SLC9A3: variants seen among roughly 807,000 people sequenced by gnomAD.
The protein encoded by SLC9A3 is sodium/hydrogen exchanger 3.
A neutral mutation model predicts 86.8 loss-of-function variants in SLC9A3; 37 were observed. That is an observed-to-expected ratio of 0.43 (90% CI 0.33 to 0.56). SLC9A3 has a LOEUF of 0.56. Ranked by LOEUF, SLC9A3 falls within the 20% of genes least tolerant of loss-of-function variation. The probability of loss-of-function intolerance (pLI) is 0.06; values close to 1 mark genes in which losing one functional copy is unlikely to be tolerated. For synonymous variants in SLC9A3, 581 were observed against 528.3 expected (o/e 1.10, Z -1.37); for missense variants, 1,011 against 1,171.9 (o/e 0.86, Z 2.00).
chr5:472,031 A>AG lies in SLC9A3; in HGVS notation c.*1347dup, dbSNP rs1373437227. The AG allele has an allele frequency of 4.4e-6, 2 of 456,178 alleles. No individual in the cohort carries two copies. Among genetic ancestry groups the AG allele is most frequent in the African/African-American group, 4.0e-5 (2 of 50,078 alleles). The allele number at this position is 456,178 out of a possible 1,614,324, so 28.3% of individuals were successfully genotyped here. A position where few individuals can be genotyped will look rare whatever the true frequency, so the allele number is the denominator to read the frequency against. ...CGAGTCTAGCTTTAGAAAAGCCCCT[A>AG]GGAGTGTCCACCTCCACCACTTCCA... is the stretch of plus-strand genomic sequence containing the variant. On this transcript the variant is annotated 3_prime_UTR_variant, in exon 17 of 17. Transcript: ENST00000264938.
At chr5:518,296 C>A (rs1226494145) in intron 1 of SLC9A3, among the ~76,000 whole-genome samples, 1 of 152,096 alleles carries the variant, frequency 6.6e-6, no homozygotes, top group Non-Finnish European at 1.5e-5. Context: ...AGTCTGGCAT[C>A]CCAGGACCTG....
At chr5:475,300 A>G (rs1354141058) in intron 15 of SLC9A3, 168 bp from the exon 16 acceptor site, 2 of 681,642 alleles carry the variant, frequency 2.9e-6, no homozygotes, top group African/African-American at 3.6e-5. Context: ...CCATGACCCC[A>G]CACGCCACAG....
intron 10 of SLC9A3, 37 bp downstream of exon 10, chr5:479,799 T>C (rs1196617261): frequency 3.1e-6 from 5 of 1,609,346 alleles, no homozygotes; most frequent in Non-Finnish European, 4.2e-6. Context: ...CAGAGCCTGC[T>C]GCAGCCCCGA....
rs1240852908 is a variant in SLC9A3, at chr5:497,862, G to A, written c.212-5791C>T. On this transcript the variant is annotated intron_variant, in intron 1 of 16. Transcript: ENST00000264938. This position sits in a 1 kb window ranked among gnomAD's most constrained non-coding sequence, Gnocchi z 5.4. Reference sequence around the variant, plus strand: ...GCCCCTGTCCCGGGTGGGGTCGCCCGGCCGCATCCCCAGCCTCTGCCCCTG... The same window carrying A: ...GCCCCTGTCCCGGGTGGGGTCGCCCAGCCGCATCCCCAGCCTCTGCCCCTG... Among the ~76,000 whole-genome samples, 2 of 124,634 alleles carry A rather than the reference G, an allele frequency of 1.6e-5. No individual in the cohort carries two copies. Among genetic ancestry groups the A allele is most frequent in the East Asian group, 2.5e-4 (1 of 4,018 alleles). The allele number at this position is 124,634 out of a possible 152,430, so 81.8% of individuals were successfully genotyped here.
At chr5:495,032 G>A (rs948356241) in intron 1 of SLC9A3, among the ~76,000 whole-genome samples, 24 of 152,078 alleles carry the variant, frequency 1.6e-4, no homozygotes, top group African/African-American at 4.6e-4. Context: ...CTCGGTGCCC[G>A]CCGGCACGTG....
At chr5:517,137 G>T (rs946134991) in intron 1 of SLC9A3, among the ~76,000 whole-genome samples, 1 of 142,498 alleles carries the variant, frequency 7.0e-6, no homozygotes, top group African/African-American at 2.6e-5. Context: ...CCATCCTTCC[G>T]CCCATCCCTC....
chr5:485,528 T>C (rs554091929), intron 3 of SLC9A3, among the ~76,000 whole-genome samples: 51 of 152,396 alleles, frequency 3.3e-4, no homozygotes, highest in Admixed American at 1.2e-3. Flanking sequence ...ACTTGAATTC[T>C]GAGTCTCATC....
rs1160038711 is a variant in SLC9A3 at position 486,128 on chromosome 5, G to A, written c.676-897C>T. On this transcript the variant is annotated intron_variant, in intron 3 of 16. Transcript: ENST00000264938. Reference sequence around the variant, plus strand: ...CCCTAAGGGAACATGAGAGGCTGACGGGTTTCAAACCTTTCAAACCACAGG... The same window carrying A: ...CCCTAAGGGAACATGAGAGGCTGACAGGTTTCAAACCTTTCAAACCACAGG... Among the ~76,000 whole-genome samples the A allele has an allele frequency of 3.9e-5, 6 of 152,266 alleles. No individual in the cohort carries two copies. The East Asian group carries it at 5.8e-4, about 15-fold the overall frequency.
intron 2 of SLC9A3, among the ~76,000 whole-genome samples, chr5:489,600 C>A (rs1267939109): frequency 2.0e-5 from 3 of 152,222 alleles, no homozygotes; most frequent in African/African-American, 7.2e-5. Context: ...CACAACACCC[C>A]GAGGAAGTGA....
At position 473,221 on chromosome 5, in the gene SLC9A3, A is replaced by T; in HGVS notation, c.*158T>A. On this transcript the variant is annotated 3_prime_UTR_variant, in exon 17 of 17. Transcript: ENST00000264938. ...GCGGGCGCAGGCGCGGCACTCTCGGAGTTCTGCGCAGGCGCTGGCGTGGGC... is the reference window on the plus strand; with the variant it reads ...GCGGGCGCAGGCGCGGCACTCTCGGTGTTCTGCGCAGGCGCTGGCGTGGGC... The T allele has an allele frequency of 1.3e-6, 1 of 777,044 alleles. No homozygotes were observed. Among genetic ancestry groups the T allele is most frequent in the Non-Finnish European group, 1.7e-6 (1 of 584,984 alleles). 48.1% of individuals were successfully genotyped at this position (777,044 alleles called of 1,614,324 possible).
At chr5:522,212 T>G (rs1733903776) in intron 1 of SLC9A3, among the ~76,000 whole-genome samples, 1 of 152,168 alleles carries the variant, frequency 6.6e-6, no homozygotes, top group South Asian at 2.1e-4. Flanking sequence ...CCCGGGGAGT[T>G]GCTGCTGGAG....
Position 477,345 on chromosome 5 carries a change from CAG to C in SLC9A3, c.1745_1746del (p.Ser582CysfsTer145). ...ATGGCCACATACAGGAGGTAGGAGA[CAG>C]AGGCCTCCACGGTGGACGATCGTGG... The part of the protein sequence containing the change: ...FTPRSSTVEA[S>X]VSYLLRENVS... On this transcript the variant is annotated frameshift_variant, in exon 11 of 17. Coordinates refer to ENST00000264938, the MANE Select transcript of SLC9A3 (RefSeq NM_004174.4). LOFTEE classifies it high-confidence loss of function. 6.2e-7 allele frequency: 1 copy of C among 1,608,192 alleles called. No homozygotes were observed. Among genetic ancestry groups the C allele is most frequent in the Non-Finnish European group, 8.5e-7 (1 of 1,176,372 alleles).
At chr5:486,308 T>G (rs1455574938) in intron 3 of SLC9A3, among the ~76,000 whole-genome samples, 3 of 152,176 alleles carry the variant, frequency 2.0e-5, no homozygotes, top group Non-Finnish European at 4.4e-5. Flanking sequence ...CTGGCCTCAC[T>G]GACGGTTCCT....
chr5:524,330 T>C lies in SLC9A3; in HGVS notation c.-8A>G. The C allele has an allele frequency of 8.2e-7, 1 of 1,223,310 alleles. No homozygotes were observed. 75.8% of individuals were successfully genotyped at this position (1,223,310 alleles called of 1,614,324 possible). On this transcript the variant is annotated 5_prime_UTR_variant, in exon 1 of 17. Coordinates refer to ENST00000264938, the MANE Select transcript of SLC9A3 (RefSeq NM_004174.4). ...GGCCCCGAGTCCCCACATTGCCGCC[T>C]GCTCAGCGCAGGGCTGGGACGCGCA... is the stretch of plus-strand genomic sequence containing the variant.
intron 1 of SLC9A3, among the ~76,000 whole-genome samples, chr5:502,762 G>A (rs1219487637): frequency 6.6e-6 from 1 of 151,872 alleles, no homozygotes; most frequent in East Asian, 1.9e-4. Flanking sequence ...CTGCCAACAG[G>A]AGGATCACTT....
chr5:513,532 C>T (rs953890003), intron 1 of SLC9A3, among the ~76,000 whole-genome samples: 2 of 152,140 alleles, frequency 1.3e-5, no homozygotes, highest in African/African-American at 4.8e-5. Context: ...GGGTCTGTGC[C>T]ACTGGGGTGT....
intron 1 of SLC9A3, among the ~76,000 whole-genome samples, chr5:515,130 A>C (rs1733688642): frequency 3.3e-5 from 5 of 149,360 alleles, no homozygotes; most frequent in Admixed American, 1.3e-4. Context: ...CCCACTCCTC[A>C]CCCCAGAGTC....
At chr5:494,671 A>T (rs1041032822) in intron 1 of SLC9A3, among the ~76,000 whole-genome samples, 1 of 152,076 alleles carries the variant, frequency 6.6e-6, no homozygotes, top group African/African-American at 2.4e-5. Flanking sequence ...TGTTAGGAAG[A>T]CCAGGGTGGT....
chr5:489,113 C>A (rs60174161), intron 2 of SLC9A3, among the ~76,000 whole-genome samples: 1 of 152,302 alleles, frequency 6.6e-6, no homozygotes, highest in African/African-American at 2.4e-5. Context: ...CCATTCAACC[C>A]AGGGTTCAGG....
Sources: allele counts gnomAD v4.1 joint callset (sites outside exome capture counted in the v4.1 genomes callset), GRCh38; gene constraint gnomAD v4.1.1; non-coding constraint Gnocchi (gnomAD v3.1); transcripts MANE v1.5; gene names NCBI Gene and HGNC (gene_info 2026-07-23, HGNC 2026-07-21).